Variants in GAK observed in about 807,000 individuals in gnomAD.
GAK encodes the protein cyclin G associated kinase.
In GAK, 79 loss-of-function variants were observed where a neutral mutation model predicts 143.9. That is an observed-to-expected ratio of 0.55 (90% confidence interval 0.46 to 0.66). GAK has a LOEUF of 0.66. Among genes scored for constraint, GAK ranks in the 30% least tolerant of loss-of-function variants. The pLI is 0.00. For synonymous variants in GAK, 881 were observed against 765.5 expected (o/e 1.15, Z -2.49); for missense variants, 1,693 against 1,779.7 (o/e 0.95, Z 0.88).
intron 11 of GAK, chr4:885,655 C>T (rs1264546784): frequency 6.6e-6 from 1 of 152,234 alleles, no homozygotes; most frequent in Non-Finnish European, 1.5e-5. Context: ...GAGGCCCTGG[C>T]TTCAGAACAG....
chr4:874,834 T>C (rs969800323), intron 18 of GAK, among the ~76,000 whole-genome samples: 7 of 152,220 alleles, frequency 4.6e-5, no homozygotes, highest in African/African-American at 1.7e-4. Context: ...GCCAGGCCCC[T>C]GCAGTGCCAC....
intron 25 of GAK, 28 bp from the exon 26 acceptor site, chr4:851,112 T>C: frequency 3.1e-6 from 5 of 1,605,564 alleles, no homozygotes; most frequent in Non-Finnish European, 4.3e-6. Context: ...CTTTTTTTTG[T>C]TTGAGACAGG....
intron 1 of GAK, among the ~76,000 whole-genome samples, chr4:916,881 G>A (rs753495073): frequency 1.3e-5 from 2 of 152,210 alleles, no homozygotes; most frequent in Non-Finnish European, 2.9e-5. Context: ...TGTGCGTAAA[G>A]AGACTTCTAC....
intron 6 of GAK, among the ~76,000 whole-genome samples, chr4:897,752 C>A (rs946014344): frequency 6.6e-6 from 1 of 152,206 alleles, no homozygotes; most frequent in Non-Finnish European, 1.5e-5. Context: ...AGATAGAGAC[C>A]ATCCTGGCCA....
At chr4:911,414 G>C (rs989732615) in intron 4 of GAK, among the ~76,000 whole-genome samples, 2 of 152,212 alleles carry the variant, frequency 1.3e-5, no homozygotes, top group Non-Finnish European at 2.9e-5. Flanking sequence ...GGCAGGATGG[G>C]AGCCCGGCTC....
At chr4:859,972 T>C (rs1051447266) in intron 23 of GAK, among the ~76,000 whole-genome samples, 6 of 152,132 alleles carry the variant, frequency 3.9e-5, no homozygotes, top group Non-Finnish European at 7.3e-5. Context: ...CATGCTCATA[T>C]CATTATGATT....
chr4:932,158 G>C lies in GAK; in HGVS notation c.30C>G (p.Phe10Leu). Reference sequence around the variant, plus strand: ...CGCCCAGGGAGCCTGGACCCGCCAAGAAGTCGAGCGCCGACTGCAGCAGCG... The same window carrying C: ...CGCCCAGGGAGCCTGGACCCGCCAACAAGTCGAGCGCCGACTGCAGCAGCG... MSLLQSALD[F>L]LAGPGSLGGA... Residue 10 changes from phenylalanine to leucine, a missense_variant, in exon 1 of 28, where the codon TTC becomes TTG. Physicochemically the swap from Phe to Leu is conservative, Grantham distance 22 (BLOSUM62 0). This residue lies in a region of GAK where 871 missense variants were observed against 991.0 expected (regional missense o/e 0.88). Coordinates refer to ENST00000314167, the MANE Select transcript of GAK (RefSeq NM_005255.4). The surrounding 1 kb of genome is among the most constrained non-coding windows in gnomAD (Gnocchi z 4.0). 6.3e-7 allele frequency: 1 copy of C among 1,580,302 alleles called. No homozygotes were observed. The highest frequency in any genetic ancestry group is 1.1e-5 in the South Asian group (1 of 87,108).
chr4:849,833 GACC>G, intron 27 of GAK, 56 bp downstream of exon 27: 1 of 1,190,148 alleles, frequency 8.4e-7, no homozygotes, highest in Non-Finnish European at 1.2e-6. Flanking sequence ...GGCGGGGCAG[GACC>G]CCCCCCCCGC....
At chr4:888,760 G>A in intron 11 of GAK, 87 bp downstream of exon 11, 4 of 1,496,708 alleles carry the variant, frequency 2.7e-6, no homozygotes, top group Non-Finnish European at 3.6e-6. Context: ...ATGACCAGCT[G>A]TTCCACCGCA....
intron 12 of GAK, 41 bp from the exon 13 acceptor site, chr4:883,504 A>G: frequency 6.2e-7 from 1 of 1,606,200 alleles, no homozygotes; most frequent in Non-Finnish European, 8.5e-7. Context: ...GGAGATGCGC[A>G]CCTCGTGGCC....
chr4:887,710 C>T (rs575190269), intron 11 of GAK: 193 of 152,518 alleles, frequency 1.3e-3, no homozygotes, highest in African/African-American at 4.5e-3. Context: ...CACAAGCACT[C>T]CTACACATGC....
chr4:916,231 G>A (rs899405698), intron 1 of GAK, among the ~76,000 whole-genome samples: 2 of 152,232 alleles, frequency 1.3e-5, no homozygotes, highest in Admixed American at 1.3e-4. Context: ...GACTTCTATC[G>A]AGAAAATATT....
At chr4:888,078 C>CA (rs1716888528) in intron 11 of GAK, 1 of 152,264 alleles carries the variant, frequency 6.6e-6, no homozygotes, top group Admixed American at 6.5e-5. Flanking sequence ...CAGCACAGAA[C>CA]AAAAAACATA....
intron 1 of GAK, among the ~76,000 whole-genome samples, chr4:915,141 C>T (rs372201642): frequency 1.4e-5 from 2 of 144,132 alleles, no homozygotes; most frequent in Non-Finnish European, 1.5e-5. Context: ...TGCACGGCCC[C>T]ACACACACAG....
intron 1 of GAK, 65 bp downstream of exon 1, chr4:931,978 C>T: frequency 8.3e-7 from 1 of 1,201,090 alleles, no homozygotes; most frequent in South Asian, 1.3e-5. Context: ...CGGGCTGACG[C>T]TGCCCCCAGC....
At chr4:876,460 G>A (rs901319075) in intron 18 of GAK, 70 bp downstream of exon 18, 36 of 1,375,544 alleles carry the variant, frequency 2.6e-5, no homozygotes, top group South Asian at 3.5e-5. Flanking sequence ...TCCCACGACC[G>A]GCCCACATGC....
chr4:918,848 A>G lies in GAK; in HGVS notation c.146-5180T>C, dbSNP rs1297609542. Among the ~76,000 whole-genome samples the G allele has an allele frequency of 3.8e-4, 43 of 113,590 alleles. 1 individual carries two copies. The highest frequency in any genetic ancestry group is 2.0e-3 in the South Asian group (6 of 3,038). 74.5% of individuals were successfully genotyped at this position (113,590 alleles called of 152,430 possible). Reference sequence around the variant, plus strand: ...GGCAGAAGGCTCCAAAGGCCTCAGCACCCCATGACCTTAGAAAGACAGAAG... The same window carrying G: ...GGCAGAAGGCTCCAAAGGCCTCAGCGCCCCATGACCTTAGAAAGACAGAAG... On this transcript the variant is annotated intron_variant, in intron 1 of 27. Coordinates refer to ENST00000314167, the MANE Select transcript of GAK (RefSeq NM_005255.4).
At chr4:930,499 G>A (rs1043410637) in intron 1 of GAK, among the ~76,000 whole-genome samples, 2 of 149,658 alleles carry the variant, frequency 1.3e-5, no homozygotes, top group African/African-American at 5.0e-5. Context: ...ACCAAGATCC[G>A]TGCCATCTTC....
chr4:866,115 C>T (rs1048711645), intron 22 of GAK, among the ~76,000 whole-genome samples: 6 of 152,264 alleles, frequency 3.9e-5, no homozygotes, highest in South Asian at 2.1e-4. Context: ...CAGTCACAGA[C>T]GACTGAGGCA....
Sources: gnomAD v4.1 joint callset for allele counts (sites outside exome capture counted in the v4.1 genomes callset) on GRCh38, gnomAD v4.1.1 for gene constraint, gnomAD v4.1.1 regional missense constraint, Gnocchi (gnomAD v3.1) non-coding constraint, MANE v1.5 for transcripts, NCBI Gene and HGNC (gene_info 2026-07-23, HGNC 2026-07-21) for gene names.